Variants in SLC5A12 observed in about 807,000 individuals in gnomAD.
SLC5A12 encodes the protein sodium-coupled monocarboxylate transporter 2.
Under a neutral mutation model 72.7 loss-of-function variants are expected in SLC5A12, and 46 were observed. That is an observed-to-expected ratio of 0.63 (90% CI 0.50 to 0.81). SLC5A12 has a LOEUF of 0.81. SLC5A12 is among the 30% of genes least tolerant of loss of function. SLC5A12 has a pLI of 0.00. For missense variants in SLC5A12, 683 were observed against 740.7 expected (o/e 0.92, Z 0.90); for synonymous variants, 275 against 264.4 (o/e 1.04, Z -0.39).
At chr11:26,705,261 C>T (rs868118099) in intron 4 of SLC5A12, among the ~76,000 whole-genome samples, 11 of 151,950 alleles carry the variant, frequency 7.2e-5, no homozygotes, top group African/African-American at 2.2e-4. Context: ...AAAAGAGAGG[C>T]TGTTGTAGTA....
At chr11:26,690,561 A>G (rs556579068) in intron 9 of SLC5A12, among the ~76,000 whole-genome samples, 1 of 150,800 alleles carries the variant, frequency 6.6e-6, no homozygotes, top group South Asian at 2.1e-4. Flanking sequence ...CTGTAATTCT[A>G]GCACTTTGGG....
At chr11:26,701,062 ACAGT>A (rs1279221672) in intron 6 of SLC5A12, among the ~76,000 whole-genome samples, 4 of 152,186 alleles carry the variant, frequency 2.6e-5, no homozygotes, top group Non-Finnish European at 5.9e-5. Context: ...CTCCTAAGTG[ACAGT>A]CAGTCAGCAG....
chr11:26,721,279 A>G (rs1855472782), intron 1 of SLC5A12, 97 bp downstream of exon 1: 1 of 924,454 alleles, frequency 1.1e-6, no homozygotes, highest in South Asian at 1.8e-5. Flanking sequence ...ATAATGTGTA[A>G]TTATCCTGAA....
chr11:26,697,217 T>C lies in SLC5A12; in HGVS notation c.987A>G (p.Thr329=). 1 of 1,613,718 alleles carries C rather than the reference T, an allele frequency of 6.2e-7. No individual in the cohort carries two copies. The highest frequency in any genetic ancestry group is 8.5e-7 in the Non-Finnish European group (1 of 1,179,910). ...MPYFVMEIFA[T]MPGLPGLFVA... ...CAAAAAGTCCTGGCAGTCCTGGCATTGTGGCAAATATCTCCATGACAAAGT... is the reference window on the plus strand; with the variant it reads ...CAAAAAGTCCTGGCAGTCCTGGCATCGTGGCAAATATCTCCATGACAAAGT... The change falls in exon 8 of 15, where the codon ACA becomes ACG. Residue 329 remains threonine (T), a synonymous_variant. Transcript: ENST00000396005.
chr11:26,707,804 A>T (rs1293031792), intron 4 of SLC5A12, among the ~76,000 whole-genome samples: 1 of 151,902 alleles, frequency 6.6e-6, no homozygotes, highest in Non-Finnish European at 1.5e-5. Flanking sequence ...TTTTTATGAT[A>T]TTTTGTTAAA....
chr11:26,674,106 C>T (rs1297320378), intron 13 of SLC5A12, among the ~76,000 whole-genome samples: 6 of 152,046 alleles, frequency 3.9e-5, no homozygotes, highest in Non-Finnish European at 8.8e-5. Flanking sequence ...TCTTCAAATC[C>T]TGCTGTGGAA....
rs1855482836 is a variant in SLC5A12, at chr11:26,721,615, T to C, written c.100A>G (p.Lys34Glu). Reference sequence around the variant, plus strand: ...AGGAACTCTCGGGAAGTTGCCTTTTTTCTCTCCTTAATGGCAAAGAACACC... The same window carrying C: ...AGGAACTCTCGGGAAGTTGCCTTTTCTCTCTCCTTAATGGCAAAGAACACC... ...IGVFFAIKER[K>E]KATSREFLVG... Residue 34 changes from lysine to glutamate, a missense_variant, in exon 1 of 15, where the codon AAA becomes GAA. Physicochemically the swap from Lys to Glu is moderately conservative, Grantham distance 56. Coordinates refer to ENST00000396005, the MANE Select transcript of SLC5A12 (RefSeq NM_178498.4). 2 of 1,614,084 alleles carry C rather than the reference T, an allele frequency of 1.2e-6. No homozygotes were observed. The highest frequency in any genetic ancestry group is 1.1e-5 in the South Asian group (1 of 91,082).
chr11:26,709,396 A>G lies in SLC5A12; in HGVS notation c.458-17T>C. The G allele has an allele frequency of 6.3e-7, 1 of 1,591,494 alleles. No homozygotes were observed. The highest frequency in any genetic ancestry group is 8.6e-7 in the Non-Finnish European group (1 of 1,166,790). On this transcript the variant is annotated splice_polypyrimidine_tract_variant and intron_variant, in intron 3 of 14. Coordinates refer to ENST00000396005, the MANE Select transcript of SLC5A12 (RefSeq NM_178498.4). ...ACCCAGTCACTAGGAAAGAAGAAAA[A>G]AATATTAAAAGAAGTTTCCTTCAAA...
At chr11:26,703,058 C>T (rs1034608789) in intron 6 of SLC5A12, among the ~76,000 whole-genome samples, 1 of 152,144 alleles carries the variant, frequency 6.6e-6, no homozygotes, top group African/African-American at 2.4e-5. Flanking sequence ...CCTTCAGCTA[C>T]TTCTATTTGG....
chr11:26,670,556 G>A lies in SLC5A12; in HGVS notation c.*546C>T, dbSNP rs1434073149. 1 of 152,094 alleles carries A rather than the reference G, an allele frequency of 6.6e-6. No homozygotes were observed. The highest frequency in any genetic ancestry group is 1.5e-5 in the Non-Finnish European group (1 of 68,052). The allele number at this position is 152,094 out of a possible 1,614,324, so 9.4% of individuals were successfully genotyped here. ...GAGGACCTGACAGTGGTGGTGAAGG[G>A]AGGTTAATAGTAGTTGTATGCCAAT... On this transcript the variant is annotated 3_prime_UTR_variant, in exon 15 of 15. Coordinates refer to ENST00000396005, the MANE Select transcript of SLC5A12 (RefSeq NM_178498.4).
At chr11:26,702,844 G>A (rs1442459120) in intron 6 of SLC5A12, among the ~76,000 whole-genome samples, 1 of 152,038 alleles carries the variant, frequency 6.6e-6, no homozygotes, top group Non-Finnish European at 1.5e-5. Flanking sequence ...GCTATTTCTG[G>A]TAAATGCCTA....
At chr11:26,709,418 C>T (rs766667515) in intron 3 of SLC5A12, 39 bp from the exon 4 acceptor site, 1 of 1,519,776 alleles carries the variant, frequency 6.6e-7, no homozygotes, top group South Asian at 1.2e-5. Flanking sequence ...AAGTTTCCTT[C>T]AAAAAATTAA....
At chr11:26,679,925 GAGAT>G (rs1854352011) in intron 12 of SLC5A12, among the ~76,000 whole-genome samples, 2 of 152,146 alleles carry the variant, frequency 1.3e-5, no homozygotes, top group South Asian at 4.2e-4. Flanking sequence ...GAAAGGAAAA[GAGAT>G]AGAAAAATGG....
intron 8 of SLC5A12, among the ~76,000 whole-genome samples, chr11:26,696,291 TA>T (rs1854811020): frequency 1.3e-5 from 2 of 152,218 alleles, no homozygotes; most frequent in African/African-American, 4.8e-5. Flanking sequence ...ATAAGCCTTC[TA>T]AAATATTTGT....
At chr11:26,711,058 C>G (rs994002702) in intron 3 of SLC5A12, among the ~76,000 whole-genome samples, 4 of 151,966 alleles carry the variant, frequency 2.6e-5, no homozygotes, top group Non-Finnish European at 5.9e-5. Flanking sequence ...AAAACCAAAT[C>G]CCAAACAAAC....
At chr11:26,713,862 G>C (rs1202779480) in intron 1 of SLC5A12, among the ~76,000 whole-genome samples, 1 of 152,164 alleles carries the variant, frequency 6.6e-6, no homozygotes, top group Non-Finnish European at 1.5e-5. Context: ...TTAAGGAAAA[G>C]TCAGCTTCCT....
At chr11:26,677,653 T>G (rs1854296271) in intron 13 of SLC5A12, among the ~76,000 whole-genome samples, 1 of 152,120 alleles carries the variant, frequency 6.6e-6, no homozygotes, top group Non-Finnish European at 1.5e-5. Flanking sequence ...AAGACTGGGG[T>G]TACAAGATTT....
chr11:26,679,618 T>C (rs1402038996), intron 12 of SLC5A12, among the ~76,000 whole-genome samples: 1 of 152,050 alleles, frequency 6.6e-6, no homozygotes, highest in African/African-American at 2.4e-5. Context: ...AAATGAACAC[T>C]AAAATATATT....
At chr11:26,686,357 A>T in intron 10 of SLC5A12, 120 bp downstream of exon 10, 1 of 759,264 alleles carries the variant, frequency 1.3e-6, no homozygotes, top group Non-Finnish European at 2.2e-6. Context: ...ATTTATTTTT[A>T]ATTTGGAGCT....
Sources: allele counts gnomAD v4.1 joint callset (sites outside exome capture counted in the v4.1 genomes callset), GRCh38; gene constraint gnomAD v4.1.1; transcripts MANE v1.5; gene names NCBI Gene and HGNC (gene_info 2026-07-23, HGNC 2026-07-21).